XPO1: variants seen among roughly 807,000 people sequenced by gnomAD.
XPO1 encodes the protein exportin 1, also known as exportin-1.
In XPO1, 5 loss-of-function variants were observed where a neutral mutation model predicts 133.3. The ratio of observed to expected loss-of-function variants is 0.04; its 90% confidence interval spans 0.02 to 0.08. The LOEUF is 0.08. Ranked by LOEUF, XPO1 falls within the 10% of genes least tolerant of loss-of-function variation. The probability of loss-of-function intolerance (pLI) is 1.00; values close to 1 mark genes in which losing one functional copy is unlikely to be tolerated. For synonymous variants in XPO1, 419 were observed against 408.2 expected (o/e 1.03, Z -0.32); for missense variants, 506 against 1,267.5 (o/e 0.40, Z 9.12).
rs144998517 is a variant in XPO1, at chr2:61,503,082, C to T, written c.302-772G>A. On this transcript the variant is annotated intron_variant, in intron 4 of 24. Transcript: ENST00000401558. ...CCAGGTTCAAGTGATTCTCCTGCCT[C>T]AGGCTCCCGAGTACAGGCATCAACC... 1.2e-3 allele frequency among the ~76,000 whole-genome samples: 180 copies of T among 151,772 alleles called. 1 individual carries two copies. In the East Asian group the frequency reaches 0.034, roughly 29 times the overall value.
chr2:61,535,197 A>G (rs1699307465), intron 1 of XPO1, among the ~76,000 whole-genome samples: 2 of 152,202 alleles, frequency 1.3e-5, no homozygotes, highest in South Asian at 2.1e-4. Context: ...TTTTCTTCAA[A>G]GCCAATGCCA....
chr2:61,512,960 A>G (rs1698166069), intron 4 of XPO1, among the ~76,000 whole-genome samples: 1 of 151,976 alleles, frequency 6.6e-6, no homozygotes, highest in Admixed American at 6.6e-5. Flanking sequence ...AGATCGCGCC[A>G]CTGTACTCTG....
chr2:61,485,984 G>T, intron 19 of XPO1, 22 bp from the exon 20 acceptor site: 1 of 1,585,872 alleles, frequency 6.3e-7, no homozygotes, highest in East Asian at 2.3e-5. Flanking sequence ...GGAAAAAAAA[G>T]TTATGTTTTA....
At chr2:61,505,442 A>C (rs915637075) in intron 4 of XPO1, among the ~76,000 whole-genome samples, 2 of 145,282 alleles carry the variant, frequency 1.4e-5, no homozygotes, top group African/African-American at 5.2e-5. Context: ...TCCAGGCTGG[A>C]GTGCAGTGGT....
intron 17 of XPO1, among the ~76,000 whole-genome samples, chr2:61,489,762 G>C (rs1284183980): frequency 4.6e-5 from 7 of 151,892 alleles, no homozygotes; most frequent in Admixed American, 3.9e-4. Flanking sequence ...CACTGCGTTA[G>C]CCATGATGGT....
chr2:61,490,599 T>G, intron 17 of XPO1, 43 bp downstream of exon 17: 1 of 1,612,890 alleles, frequency 6.2e-7, no homozygotes, highest in Non-Finnish European at 8.5e-7. Context: ...ACACGTCTTG[T>G]TAAATCCCAT....
At chr2:61,513,540 G>C (rs897317228) in intron 4 of XPO1, among the ~76,000 whole-genome samples, 2 of 151,058 alleles carry the variant, frequency 1.3e-5, no homozygotes, top group African/African-American at 4.9e-5. Flanking sequence ...GACCAGGCTC[G>C]TCTCGAACTG....
chr2:61,489,796 C>T (rs917514828), intron 17 of XPO1, among the ~76,000 whole-genome samples: 9 of 152,142 alleles, frequency 5.9e-5, no homozygotes, highest in Admixed American at 2.6e-4. Context: ...CCTGGTGATC[C>T]GCCTGCCTCG....
In XPO1 at chr2:61,538,305, T is replaced by G; in HGVS notation, c.-750A>C. 6.3e-6 allele frequency: 1 copy of G among 157,768 alleles called. No individual in the cohort carries two copies. The highest frequency in any genetic ancestry group is 1.4e-5 in the Non-Finnish European group (1 of 71,386). 9.8% of individuals were successfully genotyped at this position (157,768 alleles called of 1,614,324 possible). ...GTTGAAACCGGTTCAGACTGGGAGA[T>G]TCCATCTCGGTTGAGTTTTCAGCCC... On this transcript the variant is annotated 5_prime_UTR_variant, in exon 1 of 25. Coordinates refer to ENST00000401558, the MANE Select transcript of XPO1 (RefSeq NM_003400.4).
intron 4 of XPO1, among the ~76,000 whole-genome samples, chr2:61,514,593 TAAAAAAA>T (rs562982187): frequency 7.9e-6 from 1 of 125,856 alleles, no homozygotes. Context: ...ACTCTGTCTT[TAAAAAAA>T]AAAAAAAAAA....
chr2:61,525,963 C>G, intron 3 of XPO1: 1 of 1,056,352 alleles, frequency 9.5e-7, no homozygotes, highest in Non-Finnish European at 1.1e-6. Context: ...AGAATTATAA[C>G]ATTTTCCATT....
chr2:61,523,147 C>T (rs1211238888), intron 3 of XPO1, among the ~76,000 whole-genome samples: 1 of 152,186 alleles, frequency 6.6e-6, no homozygotes, highest in African/African-American at 2.4e-5. Flanking sequence ...AGTATTGTCA[C>T]AGATACTTTC....
chr2:61,528,822 T>C (rs1699033084), intron 2 of XPO1, among the ~76,000 whole-genome samples: 1 of 149,284 alleles, frequency 6.7e-6, no homozygotes, highest in Non-Finnish European at 1.5e-5. Flanking sequence ...TTAATATTTT[T>C]ACCAACAGCT....
chr2:61,482,614 T>G (rs1573101524), intron 22 of XPO1, 75 bp from the exon 23 acceptor site: 6 of 845,916 alleles, frequency 7.1e-6, no homozygotes. Context: ...TTTGTTTTGT[T>G]TTTTTTTTTT....
At chr2:61,515,937 C>CCACACACACACACA (rs35237510) in intron 4 of XPO1, among the ~76,000 whole-genome samples, 41 of 110,774 alleles carry the variant, frequency 3.7e-4, no homozygotes, top group African/African-American at 1.5e-3. Context: ...AAAAAAAAAA[C>CCACACACACACACA]CACACACACA....
At position 61,537,875 on chromosome 2, in the gene XPO1, C is replaced by T; in HGVS notation, c.-320G>A. ...GAAGGGGGAGGGAACGGGGTCAAGT[C>T]CCAAAGATTCAGCCCCAGGGGGACC... On this transcript the variant is annotated 5_prime_UTR_variant, in exon 1 of 25. Transcript: ENST00000401558. 6.4e-6 allele frequency: 1 copy of T among 156,896 alleles called. No homozygotes were observed. Among genetic ancestry groups the T allele is most frequent in the Non-Finnish European group, 1.4e-5 (1 of 71,498 alleles). The allele number at this position is 156,896 out of a possible 1,614,324, so 9.7% of individuals were successfully genotyped here.
Position 61,478,680 on chromosome 2 carries a change from T to C in XPO1, c.*140A>G, listed in dbSNP as rs904254090. On this transcript the variant is annotated 3_prime_UTR_variant, in exon 25 of 25. Transcript: ENST00000401558. ...AGGATATTTCACAGAAAATTTCTTA[T>C]ACAAAAAAACACATAAGAAAAAGGG... 36 of 794,044 alleles carry C rather than the reference T, an allele frequency of 4.5e-5. No homozygotes were observed. The highest frequency in any genetic ancestry group is 5.9e-5 in the Non-Finnish European group (32 of 541,412). The allele number at this position is 794,044 out of a possible 1,614,324, so 49.2% of individuals were successfully genotyped here. A position where few individuals can be genotyped will look rare whatever the true frequency, so the allele number is the denominator to read the frequency against.
intron 23 of XPO1, among the ~76,000 whole-genome samples, chr2:61,481,517 C>T (rs1696356037): frequency 6.6e-6 from 1 of 151,900 alleles, no homozygotes; most frequent in Admixed American, 6.6e-5. Context: ...GGAGTACAAT[C>T]GCACAATCGC....
chr2:61,498,525 G>A (rs1697351064), intron 9 of XPO1, 148 bp downstream of exon 9: 1 of 900,136 alleles, frequency 1.1e-6, no homozygotes, highest in Non-Finnish European at 1.6e-6. Context: ...AATTTACTAG[G>A]TGTGAATATG....
Sources: allele counts gnomAD v4.1 joint callset (sites outside exome capture counted in the v4.1 genomes callset), GRCh38; gene constraint gnomAD v4.1.1; transcripts MANE v1.5; gene names NCBI Gene and HGNC (gene_info 2026-07-23, HGNC 2026-07-21).